DLGAP2: variants seen among roughly 807,000 people sequenced by gnomAD.
The protein encoded by DLGAP2 is DLG associated protein 2.
Under a neutral mutation model 100.3 loss-of-function variants are expected in DLGAP2, and 26 were observed. The ratio of observed to expected loss-of-function variants is 0.26; its 90% confidence interval spans 0.19 to 0.36. DLGAP2 has a LOEUF of 0.36. DLGAP2 is among the 10% of genes least tolerant of loss of function. The pLI is 1.00. For missense variants in DLGAP2, 1,858 were observed against 1,453.2 expected (o/e 1.28, Z -4.53); for synonymous variants, 886 against 630.1 (o/e 1.41, Z -6.08).
intron 3 of DLGAP2, among the ~76,000 whole-genome samples, chr8:1,316,110 C>T (rs575675364): frequency 7.6e-6 from 1 of 131,730 alleles, no homozygotes; most frequent in Non-Finnish European, 1.6e-5. Flanking sequence ...AGACACTCGG[C>T]AGCTTTTAAA....
At chr8:834,881 A>G (rs1476937520) in intron 1 of DLGAP2, among the ~76,000 whole-genome samples, 3 of 152,250 alleles carry the variant, frequency 2.0e-5, no homozygotes, top group Non-Finnish European at 4.4e-5. Context: ...GTTTAAAAAT[A>G]AAAACAAAAA....
chr8:1,504,697 C>G (rs1799844531), intron 4 of DLGAP2, among the ~76,000 whole-genome samples: 1 of 152,158 alleles, frequency 6.6e-6, no homozygotes, highest in Admixed American at 6.5e-5. Context: ...CCAGGCTCAT[C>G]TATGTTGTTG....
chr8:1,256,874 G>A (rs140639244), intron 2 of DLGAP2, among the ~76,000 whole-genome samples: 20 of 152,218 alleles, frequency 1.3e-4, no homozygotes, highest in African/African-American at 3.6e-4. Flanking sequence ...CAGGAGCCCC[G>A]CCTCCCTCCA....
intron 3 of DLGAP2, among the ~76,000 whole-genome samples, chr8:1,385,808 G>A (rs1342212167): frequency 2.6e-5 from 4 of 151,210 alleles, no homozygotes; most frequent in African/African-American, 9.7e-5. Flanking sequence ...CCCGGCCCCT[G>A]AGAACTTGGT....
intron 1 of DLGAP2, among the ~76,000 whole-genome samples, chr8:752,282 G>A (rs1168076550): frequency 6.6e-6 from 1 of 152,224 alleles, no homozygotes; most frequent in Admixed American, 6.5e-5. Flanking sequence ...TCCCCAGGCT[G>A]CCGGCTACCA....
At chr8:1,578,091 G>C (rs568911106) in intron 6 of DLGAP2, among the ~76,000 whole-genome samples, 1 of 152,304 alleles carries the variant, frequency 6.6e-6, no homozygotes, top group South Asian at 2.1e-4. Flanking sequence ...AAAGTAATTG[G>C]ATACAGTGCA....
intron 10 of DLGAP2, among the ~76,000 whole-genome samples, chr8:1,670,915 C>T (rs556997123): frequency 2.0e-5 from 3 of 152,238 alleles, no homozygotes; most frequent in Non-Finnish European, 2.9e-5. Flanking sequence ...TTCAGGGAGG[C>T]GTCAGGAGGG....
intron 2 of DLGAP2, among the ~76,000 whole-genome samples, chr8:1,147,148 C>T (rs374983833): frequency 6.6e-6 from 1 of 152,148 alleles, no homozygotes; most frequent in Non-Finnish European, 1.5e-5. Context: ...TCTTTGGGCC[C>T]TCTGAAGTTT....
At chr8:1,503,939 A>G (rs114253749) in intron 4 of DLGAP2, among the ~76,000 whole-genome samples, 1 of 152,174 alleles carries the variant, frequency 6.6e-6, no homozygotes, top group Non-Finnish European at 1.5e-5. Context: ...TGGTGAGCCC[A>G]GGGACCTGAA....
intron 3 of DLGAP2, among the ~76,000 whole-genome samples, chr8:1,494,961 G>A (rs965962814): frequency 6.6e-6 from 1 of 152,182 alleles, no homozygotes; most frequent in East Asian, 1.9e-4. Context: ...AGAGTGGTAG[G>A]GTGTTAGAGT....
At chr8:935,822 CT>C (rs1275327594) in intron 2 of DLGAP2, among the ~76,000 whole-genome samples, 2 of 152,086 alleles carry the variant, frequency 1.3e-5, no homozygotes, top group Admixed American at 6.5e-5. Context: ...TCTGGGTTGG[CT>C]TTTTGTTTTT....
chr8:1,123,079 C>T (rs1796087216), intron 2 of DLGAP2, among the ~76,000 whole-genome samples: 1 of 152,182 alleles, frequency 6.6e-6, no homozygotes. Flanking sequence ...TTGAAAATAA[C>T]TATGCAAATC....
chr8:1,581,777 G>C (rs1200557229), intron 6 of DLGAP2, among the ~76,000 whole-genome samples: 6 of 150,344 alleles, frequency 4.0e-5, no homozygotes, highest in Admixed American at 2.0e-4. Flanking sequence ...ACTACCACAA[G>C]TGAACGATAC....
At chr8:1,286,329 C>G (rs567873282) in intron 3 of DLGAP2, among the ~76,000 whole-genome samples, 60 of 152,194 alleles carry the variant, frequency 3.9e-4, no homozygotes, top group Non-Finnish European at 8.1e-4. Context: ...ATAAATCACC[C>G]AGTTTGGGGC....
chr8:1,250,397 G>A (rs1300473261), intron 2 of DLGAP2: 3 of 152,206 alleles, frequency 2.0e-5, no homozygotes, highest in Non-Finnish European at 4.4e-5. Flanking sequence ...GACATCCTGT[G>A]TTGATCGCAG....
chr8:884,756 C>T (rs773761782), intron 1 of DLGAP2, among the ~76,000 whole-genome samples: 16 of 151,986 alleles, frequency 1.1e-4, no homozygotes, highest in African/African-American at 1.9e-4. Context: ...GGATTTTTAT[C>T]GTTTTGGATT....
At chr8:833,006 G>C (rs1431078131) in intron 1 of DLGAP2, among the ~76,000 whole-genome samples, 2 of 152,204 alleles carry the variant, frequency 1.3e-5, no homozygotes, top group Non-Finnish European at 2.9e-5. Context: ...TCAAATTCAT[G>C]TAGATGAAGG....
intron 3 of DLGAP2, among the ~76,000 whole-genome samples, chr8:1,448,003 G>A (rs1259552050): frequency 6.6e-6 from 1 of 152,048 alleles, no homozygotes; most frequent in African/African-American, 2.4e-5. Flanking sequence ...CTTGCTAGCA[G>A]TCTATCTATT....
At chr8:1,409,880 ACTGAATTACAC>A (rs1287383379) in intron 3 of DLGAP2, among the ~76,000 whole-genome samples, 1 of 152,124 alleles carries the variant, frequency 6.6e-6, no homozygotes, top group Non-Finnish European at 1.5e-5. Context: ...TCGGGCTTAG[ACTGAATTACAC>A]CTGACCCCGT....
Sources: allele counts gnomAD v4.1 joint callset (sites outside exome capture counted in the v4.1 genomes callset), GRCh38; gene constraint gnomAD v4.1.1; transcripts MANE v1.5; gene names NCBI Gene and HGNC (gene_info 2026-07-23, HGNC 2026-07-21).